Variants in FANCL observed in about 807,000 individuals in gnomAD.
The protein encoded by FANCL is FA complementation group L.
FANCL carries 69 observed loss-of-function variants against 59.4 expected under a neutral mutation model. That is an observed-to-expected ratio of 1.16 (90% CI 0.96 to 1.42). The LOEUF is 1.42. Ranked by LOEUF, FANCL falls within the 40% of genes most tolerant of loss-of-function variation. The probability of loss-of-function intolerance (pLI) is 0.00; values close to 1 mark genes in which losing one functional copy is unlikely to be tolerated. For synonymous variants in FANCL, 180 were observed against 147.1 expected, an observed-to-expected ratio of 1.22 and a Z score of -1.62; for missense variants, 519 against 447.2, an observed-to-expected ratio of 1.16 and a Z score of -1.45.
intron 4 of FANCL, among the ~76,000 whole-genome samples, chr2:58,225,793 T>G (rs1160203044): frequency 1.3e-5 from 2 of 152,026 alleles, no homozygotes; most frequent in Non-Finnish European, 2.9e-5. Context: ...ACACCTAATT[T>G]GTTTTATTCA....
chr2:58,189,084 G>C (rs550834091), intron 7 of FANCL, among the ~76,000 whole-genome samples: 2 of 152,164 alleles, frequency 1.3e-5, no homozygotes, highest in East Asian at 3.8e-4. Context: ...GTAGTTGCCT[G>C]AGGCCCTGGT....
At chr2:58,182,461 T>C (rs1279890898) in intron 7 of FANCL, among the ~76,000 whole-genome samples, 1 of 151,908 alleles carries the variant, frequency 6.6e-6, no homozygotes, top group Non-Finnish European at 1.5e-5. Flanking sequence ...AACATTTTCA[T>C]CATAACTTTG....
intron 5 of FANCL, among the ~76,000 whole-genome samples, chr2:58,214,085 G>T (rs1322006028): frequency 6.6e-6 from 1 of 152,098 alleles, no homozygotes; most frequent in East Asian, 1.9e-4. Flanking sequence ...TTTATCCTGA[G>T]AAATTAAATA....
intron 5 of FANCL, among the ~76,000 whole-genome samples, chr2:58,213,935 C>T (rs750381360): frequency 7.2e-5 from 11 of 152,180 alleles, no homozygotes; most frequent in Non-Finnish European, 1.6e-4. Flanking sequence ...TTATTAAAGG[C>T]TCCATATCGG....
At chr2:58,229,368 A>C (rs1693351127) in intron 3 of FANCL, among the ~76,000 whole-genome samples, 1 of 152,184 alleles carries the variant, frequency 6.6e-6, no homozygotes, top group Non-Finnish European at 1.5e-5. Flanking sequence ...TAACACACTA[A>C]GCAGCCTTTA....
chr2:58,197,198 G>T (rs886858598), intron 7 of FANCL, among the ~76,000 whole-genome samples: 1 of 150,184 alleles, frequency 6.7e-6, no homozygotes. Context: ...ATAATTTTTG[G>T]ATAAATACAA....
chr2:58,170,182 G>A (rs191613343), intron 7 of FANCL, among the ~76,000 whole-genome samples: 1 of 152,184 alleles, frequency 6.6e-6, no homozygotes, highest in African/African-American at 2.4e-5. Context: ...ACTAACAGCA[G>A]ATCTCTCTGC....
chr2:58,204,371 T>A, intron 5 of FANCL, 145 bp from the exon 6 acceptor site: 1 of 710,364 alleles, frequency 1.4e-6, no homozygotes, highest in South Asian at 1.5e-5. Flanking sequence ...ATGCCAACCC[T>A]TTCTGCTGCT....
In FANCL at chr2:58,232,368, G is replaced by C. The variant is rs140285557; in HGVS notation, c.97-256C>G. Among the ~76,000 whole-genome samples, 883 of 152,040 alleles carry C rather than the reference G, an allele frequency of 5.8e-3. 10 individuals carry two copies. The highest frequency in any genetic ancestry group is 0.02 in the African/African-American group (822 of 41,506). ...TCAGATAAGACTTTGTTTTTAAAGA[G>C]AAAGTCACTCACAAACACAAGAAAT... On this transcript the variant is annotated intron_variant, in intron 1 of 13. Coordinates refer to ENST00000233741, the MANE Select transcript of FANCL (RefSeq NM_018062.4).
intron 7 of FANCL, among the ~76,000 whole-genome samples, chr2:58,179,806 G>A (rs1296680347): frequency 6.6e-6 from 1 of 151,874 alleles, no homozygotes; most frequent in Admixed American, 6.6e-5. Context: ...TACATAATGG[G>A]AGAATATTTC....
At chr2:58,171,468 A>G (rs534497528) in intron 7 of FANCL, among the ~76,000 whole-genome samples, 46 of 152,218 alleles carry the variant, frequency 3.0e-4, no homozygotes, top group Non-Finnish European at 3.2e-4. Context: ...TAAAAGAACT[A>G]CAGAAGCAAG....
chr2:58,223,897 T>C (rs1022918655), intron 4 of FANCL, among the ~76,000 whole-genome samples: 4 of 151,942 alleles, frequency 2.6e-5, no homozygotes, highest in Non-Finnish European at 5.9e-5. Context: ...TCAACATATT[T>C]ATTGGTGATT....
intron 7 of FANCL, among the ~76,000 whole-genome samples, chr2:58,191,288 A>C (rs1365166903): frequency 6.6e-6 from 1 of 151,916 alleles, no homozygotes; most frequent in African/African-American, 2.4e-5. Flanking sequence ...AAGTATTTTA[A>C]AATATTGATC....
chr2:58,225,419 T>C (rs1692905270), intron 4 of FANCL, among the ~76,000 whole-genome samples: 1 of 152,096 alleles, frequency 6.6e-6, no homozygotes, highest in Admixed American at 6.5e-5. Context: ...TAAATGCAGA[T>C]GATGGAATTT....
At chr2:58,167,860 G>T (rs6729598) in intron 7 of FANCL, among the ~76,000 whole-genome samples, 1 of 152,008 alleles carries the variant, frequency 6.6e-6, no homozygotes, top group African/African-American at 2.4e-5. Flanking sequence ...CGAACTTAGG[G>T]GGTAGACATC....
chr2:58,196,401 T>C (rs1368172863), intron 7 of FANCL, among the ~76,000 whole-genome samples: 1 of 152,108 alleles, frequency 6.6e-6, no homozygotes, highest in Non-Finnish European at 1.5e-5. Flanking sequence ...TTTTAATTTA[T>C]CTGTATTTTG....
At chr2:58,187,968 G>C (rs1216670885) in intron 7 of FANCL, among the ~76,000 whole-genome samples, 1 of 152,020 alleles carries the variant, frequency 6.6e-6, no homozygotes, top group Non-Finnish European at 1.5e-5. Flanking sequence ...TTTGGACCTT[G>C]CATTTGGTGT....
chr2:58,172,980 C>T (rs1020453868), intron 7 of FANCL, among the ~76,000 whole-genome samples: 11 of 152,070 alleles, frequency 7.2e-5, no homozygotes, highest in Admixed American at 2.0e-4. Flanking sequence ...TTGAGAACTA[C>T]GTGAAGAATA....
chr2:58,171,987 T>C (rs1382462859), intron 7 of FANCL, among the ~76,000 whole-genome samples: 1 of 152,198 alleles, frequency 6.6e-6, no homozygotes, highest in Admixed American at 6.5e-5. Flanking sequence ...CCACGGAGCC[T>C]CCTTCATTGC....
Sources: gnomAD v4.1 joint callset for allele counts (sites outside exome capture counted in the v4.1 genomes callset) on GRCh38, gnomAD v4.1.1 for gene constraint, MANE v1.5 for transcripts, NCBI Gene and HGNC (gene_info 2026-07-23, HGNC 2026-07-21) for gene names.